The following KPNA3 variants were observed in gnomAD, a reference collection of about 807,000 sequenced individuals.
The protein encoded by KPNA3 is importin subunit alpha-4.
KPNA3 carries 13 observed loss-of-function variants against 73.8 expected under a neutral mutation model. That is an observed-to-expected ratio of 0.18 (90% CI 0.11 to 0.28). The LOEUF is 0.28. Ranked by LOEUF, KPNA3 falls within the 10% of genes least tolerant of loss-of-function variation. The pLI, the probability that KPNA3 is intolerant of heterozygous loss-of-function variation, is 1.00. For synonymous variants in KPNA3, 186 were observed against 206.9 expected (o/e 0.90, Z 0.87); for missense variants, 360 against 618.1 (o/e 0.58, Z 4.43).
chr13:49,722,846 A>T (rs1180243677), intron 7 of KPNA3, among the ~76,000 whole-genome samples: 1 of 150,966 alleles, frequency 6.6e-6, no homozygotes, highest in Non-Finnish European at 1.5e-5. Flanking sequence ...AAAAAAAAAA[A>T]AAAAAAGAGT....
chr13:49,759,506 A>G (rs1954740200), intron 1 of KPNA3, among the ~76,000 whole-genome samples: 1 of 152,150 alleles, frequency 6.6e-6, no homozygotes, highest in Non-Finnish European at 1.5e-5. Flanking sequence ...TAATTACACA[A>G]CTCACCATAA....
intron 1 of KPNA3, among the ~76,000 whole-genome samples, chr13:49,752,853 C>T (rs1010232330): frequency 3.3e-5 from 5 of 151,306 alleles, no homozygotes; most frequent in Non-Finnish European, 2.9e-5. Flanking sequence ...ACAGTGAAAC[C>T]CCATCTCTAC....
In KPNA3 at chr13:49,704,442, T is replaced by TAAATAAA. The variant is rs1340102644; in HGVS notation, c.1372+1172_1372+1178dup. 1.2e-3 allele frequency among the ~76,000 whole-genome samples: 8 copies of TAAATAAA among 6,472 alleles called. No homozygotes were observed. In the Admixed American group the frequency reaches 0.015, roughly 12 times the overall value. The allele number at this position is 6,472 out of a possible 152,430, so 4.2% of individuals were successfully genotyped here. A position where few individuals can be genotyped will look rare whatever the true frequency, so the allele number is the denominator to read the frequency against. On this transcript the variant is annotated intron_variant, in intron 15 of 16. Transcript: ENST00000261667. ...AAAAAATAAATAAATAAAAAATAAATAAATAAATAAATAAATAAATAAATA... is the reference window on the plus strand; with the variant it reads ...AAAAAATAAATAAATAAAAAATAAATAAATAAAAAATAAATAAATAAATAAATAAATA...
chr13:49,707,152 G>A (rs1377898093), intron 12 of KPNA3, among the ~76,000 whole-genome samples: 1 of 152,116 alleles, frequency 6.6e-6, no homozygotes, highest in African/African-American at 2.4e-5. Context: ...AGTCATTCAA[G>A]TATTCCATAA....
intron 1 of KPNA3, among the ~76,000 whole-genome samples, chr13:49,783,716 T>C (rs1394094990): frequency 6.6e-6 from 1 of 152,192 alleles, no homozygotes; most frequent in Non-Finnish European, 1.5e-5. Flanking sequence ...TACTTTTTTT[T>C]CCACTTCTTG....
intron 2 of KPNA3, among the ~76,000 whole-genome samples, chr13:49,745,634 G>A (rs551257091): frequency 1.3e-5 from 2 of 152,036 alleles, no homozygotes; most frequent in African/African-American, 4.8e-5. Flanking sequence ...CTGGAATGAC[G>A]GCATGAGCCA....
intron 1 of KPNA3, among the ~76,000 whole-genome samples, chr13:49,753,026 C>CAAAAAAAAAAAAA (rs71078888): frequency 4.9e-5 from 4 of 82,210 alleles, no homozygotes; most frequent in Non-Finnish European, 6.7e-5. Context: ...GACTCTGTCT[C>CAAAAAAAAAAAAA]AAAAAAAAAA....
At chr13:49,722,979 A>C (rs893450817) in intron 7 of KPNA3, among the ~76,000 whole-genome samples, 4 of 152,060 alleles carry the variant, frequency 2.6e-5, no homozygotes, top group African/African-American at 7.2e-5. Flanking sequence ...ACTTTAAAAT[A>C]ATTTCTCATA....
chr13:49,784,213 T>C (rs1047665812), intron 1 of KPNA3, among the ~76,000 whole-genome samples: 2 of 152,066 alleles, frequency 1.3e-5, no homozygotes, highest in East Asian at 1.9e-4. Context: ...AACAGCAAGA[T>C]TCTGTCTCAA....
intron 12 of KPNA3, among the ~76,000 whole-genome samples, chr13:49,708,592 T>C (rs1179770438): frequency 1.3e-5 from 2 of 152,196 alleles, no homozygotes; most frequent in South Asian, 2.1e-4. Flanking sequence ...CACTGCAGCA[T>C]TCTTCGTAAT....
chr13:49,730,110 A>G (rs1290343555), intron 6 of KPNA3, among the ~76,000 whole-genome samples: 3 of 152,230 alleles, frequency 2.0e-5, no homozygotes, highest in Non-Finnish European at 4.4e-5. Context: ...TTATTCATTA[A>G]GCTGTATATA....
intron 1 of KPNA3, among the ~76,000 whole-genome samples, chr13:49,786,919 T>C (rs1594466416): frequency 6.6e-6 from 1 of 152,162 alleles, no homozygotes; most frequent in Non-Finnish European, 1.5e-5. Flanking sequence ...AGGTACACTA[T>C]TATACTTGTT....
chr13:49,768,319 T>C (rs1167150989), intron 1 of KPNA3, among the ~76,000 whole-genome samples: 6 of 150,182 alleles, frequency 4.0e-5, no homozygotes, highest in Admixed American at 6.6e-5. Context: ...GAAGCCAATA[T>C]GCACTGTAGC....
intron 1 of KPNA3, among the ~76,000 whole-genome samples, chr13:49,753,470 A>T (rs1299901904): frequency 6.6e-6 from 1 of 152,246 alleles, no homozygotes; most frequent in Non-Finnish European, 1.5e-5. Flanking sequence ...TGAAGAATCT[A>T]ATAGAGAATG....
chr13:49,714,322 T>A (rs1954286468), intron 10 of KPNA3, among the ~76,000 whole-genome samples: 1 of 151,460 alleles, frequency 6.6e-6, no homozygotes, highest in African/African-American at 2.4e-5. Flanking sequence ...TAAGAAAAAG[T>A]CCTACCTAAC....
At chr13:49,742,162 G>A (rs780252634) in intron 2 of KPNA3, among the ~76,000 whole-genome samples, 4 of 152,038 alleles carry the variant, frequency 2.6e-5, no homozygotes, top group Non-Finnish European at 4.4e-5. Context: ...CTTTCCTGTG[G>A]CATGTTCTTG....
intron 1 of KPNA3, among the ~76,000 whole-genome samples, chr13:49,761,668 G>A (rs1332049485): frequency 6.6e-6 from 1 of 152,200 alleles, no homozygotes; most frequent in African/African-American, 2.4e-5. Flanking sequence ...CACCCCGTCT[G>A]GGAAGTGAGG....
chr13:49,709,878 A>G (rs1448579399), intron 11 of KPNA3, among the ~76,000 whole-genome samples, 178 bp from the exon 12 acceptor site: 1 of 148,380 alleles, frequency 6.7e-6, no homozygotes, highest in Non-Finnish European at 1.5e-5. Flanking sequence ...TCTTGTGAAA[A>G]ACTGAAACTT....
rs771222360 is a variant in KPNA3 at position 49,700,343 on chromosome 13, T to G, written c.*1457A>C. On this transcript the variant is annotated 3_prime_UTR_variant, in exon 17 of 17. Transcript: ENST00000261667. ...AGTTTAGATTTTCTATCCCTTCACATCAATGCATTGGGAAATTATACCCAG... is the reference window on the plus strand; with the variant it reads ...AGTTTAGATTTTCTATCCCTTCACAGCAATGCATTGGGAAATTATACCCAG... The G allele has an allele frequency of 4.6e-5, 7 of 152,604 alleles. No individual in the cohort carries two copies. The highest frequency in any genetic ancestry group is 1.0e-4 in the Non-Finnish European group (7 of 68,026). The allele number at this position is 152,604 out of a possible 1,614,324, so 9.5% of individuals were successfully genotyped here. A position where few individuals can be genotyped will look rare whatever the true frequency, so the allele number is the denominator to read the frequency against.
Sources: gnomAD v4.1 joint callset for allele counts (sites outside exome capture counted in the v4.1 genomes callset) on GRCh38, gnomAD v4.1.1 for gene constraint, MANE v1.5 for transcripts, NCBI Gene and HGNC (gene_info 2026-07-23, HGNC 2026-07-21) for gene names.